The following TRIP13 variants were observed in gnomAD, a reference collection of about 807,000 sequenced individuals.
The protein encoded by TRIP13 is pachytene checkpoint protein 2 homolog.
In TRIP13, 25 loss-of-function variants were observed where a neutral mutation model predicts 54.4. The ratio of observed to expected loss-of-function variants is 0.46; its 90% CI spans 0.33 to 0.64. The LOEUF (loss-of-function observed/expected upper bound fraction) is 0.64. Ranked by LOEUF, TRIP13 falls within the 30% of genes least tolerant of loss-of-function variation. The probability of loss-of-function intolerance (pLI) is 0.02; values close to 1 mark genes in which losing one functional copy is unlikely to be tolerated. For synonymous variants in TRIP13, 207 were observed against 207.8 expected (o/e 1.00, Z 0.03); for missense variants, 373 against 534.2 (o/e 0.70, Z 2.97).
intron 2 of TRIP13, 116 bp from the exon 3 acceptor site, chr5:896,549 C>T: frequency 8.9e-7 from 1 of 1,117,682 alleles, no homozygotes; most frequent in Admixed American, 2.8e-5. Flanking sequence ...TGAGAACTAG[C>T]TTTGATTATA....
chr5:900,597 A>G, intron 4 of TRIP13, 48 bp downstream of exon 4: 2 of 1,598,370 alleles, frequency 1.3e-6, no homozygotes, highest in Admixed American at 1.8e-5. Context: ...TTGAAGAGGA[A>G]CCATTACTGT....
At chr5:905,638 C>G (rs1326473301) in intron 6 of TRIP13, among the ~76,000 whole-genome samples, 4 of 151,478 alleles carry the variant, frequency 2.6e-5, no homozygotes, top group Non-Finnish European at 5.9e-5. Flanking sequence ...GGAGTCCCAG[C>G]CCTCACTGCC....
In TRIP13 at chr5:905,675, C is replaced by A. The variant is rs541339703; in HGVS notation, c.608+1455C>A. Among the ~76,000 whole-genome samples, 8 of 152,322 alleles carry A rather than the reference C, an allele frequency of 5.3e-5. No individual in the cohort carries two copies. The South Asian group carries it at 1.7e-3, about 32-fold the overall frequency. On this transcript the variant is annotated intron_variant, in intron 6 of 12. Coordinates refer to ENST00000166345, the MANE Select transcript of TRIP13 (RefSeq NM_004237.4). ...TGTGTACAGCAACCTTACCAGATGT[C>A]ATTTCATCCATTTTGCCTTAAATGA...
At chr5:919,167 G>A (rs995904236), downstream of TRIP13, 2 of 152,212 alleles carry the variant, frequency 1.3e-5, no homozygotes, top group South Asian at 2.1e-4. Flanking sequence ...TATGGGTGAG[G>A]TGCTGTGGAC....
chr5:906,774 GA>G, intron 6 of TRIP13, among the ~76,000 whole-genome samples: 1 of 152,270 alleles, frequency 6.6e-6, no homozygotes, highest in East Asian at 1.9e-4. Context: ...GGAAGGAGGG[GA>G]AAATGCTCAG....
Position 909,775 on chromosome 5 carries a change from C to T in TRIP13, c.866+1314C>T, listed in dbSNP as rs567243756. Among the ~76,000 whole-genome samples the T allele has an allele frequency of 1.4e-4, 22 of 152,306 alleles. No homozygotes were observed. In the South Asian group the frequency reaches 3.5e-3, roughly 24 times the overall value. On this transcript the variant is annotated intron_variant, in intron 9 of 12. Transcript: ENST00000166345. ...CCTTACGGGAAACGAAGGGATAGGCCGAATTAAAGGAATAGGTGGGGCTAG... is the reference window on the plus strand; with the variant it reads ...CCTTACGGGAAACGAAGGGATAGGCTGAATTAAAGGAATAGGTGGGGCTAG...
rs544305679 is a variant in TRIP13 at position 908,175 on chromosome 5, G to A, written c.759+101G>A. On this transcript the variant is annotated intron_variant, in intron 8 of 12. Coordinates refer to ENST00000166345, the MANE Select transcript of TRIP13 (RefSeq NM_004237.4). This position sits in a 1 kb window ranked among gnomAD's most constrained non-coding sequence, Gnocchi z 5.2. The stretch of plus-strand genomic sequence containing the variant: ...CTCCTAGCTTTCCCCTCCTACAGCC[G>A]GGCTGCCCTCTATCCCTCCCTGCAC... 5.3e-5 allele frequency: 78 copies of A among 1,468,748 alleles called. No homozygotes were observed. Among genetic ancestry groups the A allele is most frequent in the Middle Eastern group, 3.5e-4 (2 of 5,738 alleles). 91.0% of individuals were successfully genotyped at this position (1,468,748 alleles called of 1,614,324 possible).
intron 9 of TRIP13, among the ~76,000 whole-genome samples, chr5:910,021 C>T (rs1345907277): frequency 6.6e-6 from 1 of 152,196 alleles, no homozygotes; most frequent in Non-Finnish European, 1.5e-5. Flanking sequence ...CAGTTTATGG[C>T]CAGATTTTGG....
intron 3 of TRIP13, among the ~76,000 whole-genome samples, chr5:900,115 A>G (rs1753949825): frequency 6.6e-6 from 1 of 152,272 alleles, no homozygotes; most frequent in South Asian, 2.1e-4. Flanking sequence ...TGATAGTTTA[A>G]TGAAAACATA....
intron 2 of TRIP13, among the ~76,000 whole-genome samples, chr5:896,151 A>C (rs1753908595): frequency 6.6e-6 from 1 of 152,202 alleles, no homozygotes; most frequent in South Asian, 2.1e-4. Context: ...GTCTCTAAAA[A>C]GAGTTTTAAA....
intron 1 of TRIP13, 115 bp from the exon 2 acceptor site, chr5:894,672 A>G: frequency 8.0e-7 from 1 of 1,252,162 alleles, no homozygotes; most frequent in Non-Finnish European, 1.1e-6. Context: ...ACTCCAACTT[A>G]CCCTGTTAAC....
rs758258842 is a variant in TRIP13 at position 894,917 on chromosome 5, A to G, written c.223A>G (p.Ile75Val). The change falls in exon 2 of 13, where the codon ATT (isoleucine) becomes GTT (valine). Residue 75 changes from isoleucine to valine, a missense_variant. Ile to Val is a conservative substitution (Grantham distance 29). This residue lies in a region of TRIP13 where 151 missense variants were observed against 151.9 expected (regional missense o/e 0.99). Coordinates refer to ENST00000166345, the MANE Select transcript of TRIP13 (RefSeq NM_004237.4). Reference sequence around the variant, plus strand: ...GACCAGAAATGTGCAGTCTGTGTCTATTATTGACACAGAATTAAAGGTTAA... The same window carrying G: ...GACCAGAAATGTGCAGTCTGTGTCTGTTATTGACACAGAATTAAAGGTTAA... Reference protein sequence around the residue: ...FLTRNVQSVSIIDTELKVKDS... With the variant: ...FLTRNVQSVSVIDTELKVKDS... 57 of 1,612,710 alleles carry G rather than the reference A, an allele frequency of 3.5e-5. No homozygotes were observed. Among genetic ancestry groups the G allele is most frequent in the Non-Finnish European group, 4.7e-5 (56 of 1,179,748 alleles).
At position 911,388 on chromosome 5, in the gene TRIP13, G is replaced by C. The variant is rs1486442453; in HGVS notation, c.867-455G>C. Reference sequence around the variant, plus strand: ...AGATCGAGACCATCCTGGCTAACACGGTGAAACCCCGTCTCCACTAAAAAT... The same window carrying C: ...AGATCGAGACCATCCTGGCTAACACCGTGAAACCCCGTCTCCACTAAAAAT... On this transcript the variant is annotated intron_variant, in intron 9 of 12. Transcript: ENST00000166345. This position sits in a 1 kb window ranked among gnomAD's most constrained non-coding sequence, Gnocchi z 4.7. Among the ~76,000 whole-genome samples, 1 of 152,048 alleles carries C rather than the reference G, an allele frequency of 6.6e-6. No homozygotes were observed. The highest frequency in any genetic ancestry group is 1.5e-5 in the Non-Finnish European group (1 of 67,996).
chr5:895,049 A>AG, intron 2 of TRIP13, 97 bp downstream of exon 2: 1 of 1,351,638 alleles, frequency 7.4e-7, no homozygotes, highest in Non-Finnish European at 1.0e-6. Flanking sequence ...TGTCAGAAAC[A>AG]GGTTCACTTC....
At position 912,059 on chromosome 5, in the gene TRIP13, A is replaced by C. The variant is rs550924060; in HGVS notation, c.1020+63A>C. 5.8e-6 allele frequency: 9 copies of C among 1,553,950 alleles called. No homozygotes were observed. The South Asian group carries it at 1.1e-4, about 19-fold the overall frequency. On this transcript the variant is annotated intron_variant, in intron 10 of 12. Transcript: ENST00000166345. The surrounding 1 kb of genome is among the most constrained non-coding windows in gnomAD (Gnocchi z 7.2). ...TTTCTTATATGTTCTTAATTAATTA[A>C]GATAGCTTAAAATAAGCTCGTTCCA...
rs919358565 is a variant in TRIP13 at position 912,593 on chromosome 5, C to T, written c.1020+597C>T. ...AGGGCCGTCGCCACGGGCACAGTGA[C>T]GTGCGGTGAGTGTGAGTCAGGAGGG... is the stretch of plus-strand genomic sequence containing the variant. On this transcript the variant is annotated intron_variant, in intron 10 of 12. Transcript: ENST00000166345. This position sits in a 1 kb window ranked among gnomAD's most constrained non-coding sequence, Gnocchi z 7.2. Among the ~76,000 whole-genome samples, 1 of 150,284 alleles carries T rather than the reference C, an allele frequency of 6.7e-6. No homozygotes were observed. Among genetic ancestry groups the T allele is most frequent in the African/African-American group, 2.4e-5 (1 of 40,830 alleles).
chr5:901,318 G>A lies in TRIP13; in HGVS notation c.445-23G>A, dbSNP rs1370346365. On this transcript the variant is annotated intron_variant, in intron 4 of 12. Transcript: ENST00000166345. ...TTTGCCTTGTTGGTATCTTTGTCAA[G>A]CTCTTTTCTTTTTCTCTATCAGCTC... 8 of 1,610,016 alleles carry A rather than the reference G, an allele frequency of 5.0e-6. No individual in the cohort carries two copies. In the South Asian group the frequency reaches 7.7e-5, roughly 16 times the overall value.
downstream of TRIP13, among the ~76,000 whole-genome samples, chr5:918,624 C>T (rs1348988080): frequency 6.6e-6 from 1 of 152,072 alleles, no homozygotes; most frequent in East Asian, 1.9e-4. The surrounding 1 kb of genome is among the most constrained non-coding windows in gnomAD (Gnocchi z 4.3). Context: ...TAGATAGATA[C>T]ATATATAAAG....
At chr5:896,560 C>T (rs1370409908) in intron 2 of TRIP13, 105 bp from the exon 3 acceptor site, 8 of 1,233,486 alleles carry the variant, frequency 6.5e-6, no homozygotes, top group Non-Finnish European at 8.9e-6. Context: ...TTTGATTATA[C>T]TGTACATTCA....
Sources: gnomAD v4.1 joint callset for allele counts (sites outside exome capture counted in the v4.1 genomes callset) on GRCh38, gnomAD v4.1.1 for gene constraint, gnomAD v4.1.1 regional missense constraint, Gnocchi (gnomAD v3.1) non-coding constraint, MANE v1.5 for transcripts, NCBI Gene and HGNC (gene_info 2026-07-23, HGNC 2026-07-21) for gene names.